KCNK9: variants seen among roughly 807,000 people sequenced by gnomAD.
KCNK9 encodes potassium two pore domain channel subfamily K member 9.
Under a neutral mutation model 10.8 loss-of-function variants are expected in KCNK9, and 1 was observed. The observed-to-expected ratio is 0.09, with a 90% CI of 0.03 to 0.44. The LOEUF is 0.44. Among genes scored for constraint, KCNK9 ranks in the 20% least tolerant of loss-of-function variants. KCNK9 has a pLI of 0.97. For synonymous variants in KCNK9, 231 were observed against 222.7 expected, an observed-to-expected ratio of 1.04 and a Z score of -0.33; for missense variants, 303 against 515.0, an observed-to-expected ratio of 0.59 and a Z score of 3.98.
intron 1 of KCNK9, among the ~76,000 whole-genome samples, chr8:139,628,861 C>T (rs1815070005): frequency 6.6e-6 from 1 of 152,178 alleles, no homozygotes; most frequent in Non-Finnish European, 1.5e-5. Flanking sequence ...TGAGTGAGGC[C>T]CCCTCAGGAG....
At chr8:139,674,504 G>A (rs927938108) in intron 1 of KCNK9, among the ~76,000 whole-genome samples, 1 of 152,166 alleles carries the variant, frequency 6.6e-6, no homozygotes, top group Non-Finnish European at 1.5e-5. Context: ...CAACCTCTGT[G>A]AGGGGCAGGG....
intron 1 of KCNK9, among the ~76,000 whole-genome samples, chr8:139,638,287 A>G (rs1429198262): frequency 1.3e-5 from 2 of 152,204 alleles, no homozygotes; most frequent in African/African-American, 4.8e-5. Context: ...GAAAACAAAC[A>G]GCTGCAGATG....
chr8:139,669,143 T>C (rs1816370288), intron 1 of KCNK9, among the ~76,000 whole-genome samples: 1 of 152,130 alleles, frequency 6.6e-6, no homozygotes, highest in African/African-American at 2.4e-5. Context: ...AATGATCATC[T>C]GAGCCTTGAG....
chr8:139,609,003 C>T (rs775880004), downstream of KCNK9, among the ~76,000 whole-genome samples: 3 of 151,436 alleles, frequency 2.0e-5, no homozygotes, highest in Non-Finnish European at 4.4e-5. Context: ...CCCACCCCCG[C>T]GTATGTATTT....
At chr8:139,634,652 G>T (rs999339357) in intron 1 of KCNK9, among the ~76,000 whole-genome samples, 1 of 152,290 alleles carries the variant, frequency 6.6e-6, no homozygotes, top group Non-Finnish European at 1.5e-5. Flanking sequence ...ACCCCAATTT[G>T]TCTCCAGGTC....
chr8:139,701,226 T>G (rs1817211199), intron 1 of KCNK9, among the ~76,000 whole-genome samples: 1 of 152,238 alleles, frequency 6.6e-6, no homozygotes, highest in South Asian at 2.1e-4. Flanking sequence ...GTCATCTGTG[T>G]TTGGGGTGCT....
chr8:139,610,179 T>C (rs947083534), downstream of KCNK9, among the ~76,000 whole-genome samples: 1 of 152,178 alleles, frequency 6.6e-6, no homozygotes, highest in East Asian at 1.9e-4. Context: ...CAGGAGCTGC[T>C]ACCTCTGGGT....
chr8:139,670,335 A>G lies in KCNK9; in HGVS notation c.283+32375T>C, dbSNP rs116814613. On this transcript the variant is annotated intron_variant, in intron 1 of 1. Coordinates refer to ENST00000520439, the MANE Select transcript of KCNK9 (RefSeq NM_001282534.2). Reference sequence around the variant, plus strand: ...AGCATTACCAAAATGAGACGCAGAGACCCAAAGTGAGCACATGCTCTTGGA... The same window carrying G: ...AGCATTACCAAAATGAGACGCAGAGGCCCAAAGTGAGCACATGCTCTTGGA... 8.2e-3 allele frequency among the ~76,000 whole-genome samples: 1,243 copies of G among 152,284 alleles called. 13 individuals are homozygous for G. The highest frequency in any genetic ancestry group is 0.028 in the African/African-American group (1,177 of 41,546).
At chr8:139,689,979 G>A (rs1279208561) in intron 1 of KCNK9, among the ~76,000 whole-genome samples, 1 of 152,186 alleles carries the variant, frequency 6.6e-6, no homozygotes, top group African/African-American at 2.4e-5. Context: ...GCAATGACTT[G>A]AAGCAGAGCT....
chr8:139,657,141 T>G (rs995282778), intron 1 of KCNK9, among the ~76,000 whole-genome samples: 2 of 152,174 alleles, frequency 1.3e-5, no homozygotes, highest in Admixed American at 6.5e-5. Context: ...AGCCTCCACT[T>G]GTCTCTCTTG....
intron 1 of KCNK9, among the ~76,000 whole-genome samples, chr8:139,679,155 T>TA (rs1341689743): frequency 3.9e-5 from 6 of 152,270 alleles, no homozygotes; most frequent in Admixed American, 3.3e-4. Flanking sequence ...CGGGCCCAGC[T>TA]AAAAATACCA....
intron 1 of KCNK9, among the ~76,000 whole-genome samples, chr8:139,623,017 C>T (rs1029468800): frequency 4.6e-5 from 7 of 152,190 alleles, no homozygotes; most frequent in African/African-American, 7.2e-5. Flanking sequence ...GCAGTGTGTG[C>T]GCCTGTAGAA....
chr8:139,631,689 A>G (rs1815178932), intron 1 of KCNK9, among the ~76,000 whole-genome samples: 1 of 152,216 alleles, frequency 6.6e-6, no homozygotes, highest in South Asian at 2.1e-4. Flanking sequence ...ATGTGGGGAA[A>G]CAAGCCTAAA....
At chr8:139,663,883 G>A (rs1306963321) in intron 1 of KCNK9, among the ~76,000 whole-genome samples, 1 of 152,094 alleles carries the variant, frequency 6.6e-6, no homozygotes, top group Non-Finnish European at 1.5e-5. Context: ...ATGTAGCCAC[G>A]GATAAGTGGA....
At chr8:139,691,907 T>C (rs1251734520) in intron 1 of KCNK9, among the ~76,000 whole-genome samples, 2 of 152,202 alleles carry the variant, frequency 1.3e-5, no homozygotes, top group Admixed American at 6.5e-5. Flanking sequence ...GAGTTGGTCA[T>C]AAGACATAGT....
At chr8:139,635,190 CAG>C (rs2129637846) in intron 1 of KCNK9, among the ~76,000 whole-genome samples, 1 of 152,388 alleles carries the variant, frequency 6.6e-6, no homozygotes, top group Admixed American at 6.5e-5. Flanking sequence ...AATGAGCAAA[CAG>C]AAGAGCACAA....
intron 1 of KCNK9, among the ~76,000 whole-genome samples, chr8:139,646,888 A>G (rs1342292406): frequency 6.6e-6 from 1 of 152,262 alleles, no homozygotes; most frequent in Non-Finnish European, 1.5e-5. Flanking sequence ...GTGGCTCCCC[A>G]AAAGGAATGA....
intron 2 of KCNK9, among the ~76,000 whole-genome samples, chr8:139,603,816 C>T (rs1002561894): frequency 6.6e-6 from 1 of 152,212 alleles, no homozygotes; most frequent in Non-Finnish European, 1.5e-5. Context: ...GAAGCACTAA[C>T]CTGGTTCACT....
intron 1 of KCNK9, among the ~76,000 whole-genome samples, chr8:139,694,327 G>A (rs1481370208): frequency 3.9e-5 from 6 of 152,168 alleles, no homozygotes; most frequent in African/African-American, 1.4e-4. Flanking sequence ...TGGAGGAGGC[G>A]AGGAAACCTT....
Sources: gnomAD v4.1 joint callset for allele counts (sites outside exome capture counted in the v4.1 genomes callset) on GRCh38, gnomAD v4.1.1 for gene constraint, MANE v1.5 for transcripts, NCBI Gene and HGNC (gene_info 2026-07-23, HGNC 2026-07-21) for gene names.